The following SNAP91 variants were observed in gnomAD, a reference collection of about 807,000 sequenced individuals.
SNAP91 encodes synaptosome associated protein 91.
SNAP91 carries 27 observed loss-of-function variants against 100.3 expected under a neutral mutation model. That is an observed-to-expected ratio of 0.27 (90% confidence interval 0.20 to 0.37). The LOEUF is 0.37. Ranked by LOEUF, SNAP91 falls within the 10% of genes least tolerant of loss-of-function variation. The pLI, the probability that SNAP91 is intolerant of heterozygous loss-of-function variation, is 1.00. For synonymous variants in SNAP91, 404 were observed against 398.6 expected (o/e 1.01, Z -0.16); for missense variants, 986 against 1,123.7 (o/e 0.88, Z 1.75).
chr6:83,697,662 A>G (rs903036075), intron 2 of SNAP91, among the ~76,000 whole-genome samples: 1 of 152,140 alleles, frequency 6.6e-6, no homozygotes, highest in Non-Finnish European at 1.5e-5. Context: ...TTTAATGTTT[A>G]TTTGTTTGTA....
At chr6:83,596,225 T>C (rs778967617) in intron 16 of SNAP91, among the ~76,000 whole-genome samples, 3 of 152,094 alleles carry the variant, frequency 2.0e-5, no homozygotes, top group Non-Finnish European at 4.4e-5. Context: ...CAGCCAGGAA[T>C]ATAGGTTTTG....
chr6:83,578,444 T>G (rs9444091), intron 24 of SNAP91, among the ~76,000 whole-genome samples: 4,149 of 152,282 alleles, frequency 0.027, 189 homozygotes, highest in African/African-American at 0.093. Context: ...GGTTTTGATT[T>G]GCATTTCACT....
chr6:83,687,435 C>T (rs1181132710), intron 2 of SNAP91, among the ~76,000 whole-genome samples: 3 of 152,034 alleles, frequency 2.0e-5, no homozygotes, highest in African/African-American at 2.4e-5. Context: ...ACTTGTATCA[C>T]GGTGTGTCCA....
In SNAP91 at chr6:83,556,253, GA is replaced by G; in HGVS notation, c.2632-9del. The G allele has an allele frequency of 3.5e-6, 5 of 1,427,162 alleles. No homozygotes were observed. The highest frequency in any genetic ancestry group is 1.2e-5 in the South Asian group (1 of 81,644). 88.4% of individuals were successfully genotyped at this position (1,427,162 alleles called of 1,614,324 possible). ...TGTAGGGCTTGGAGAAAGCTAATGG[GA>G]AAAAGCCAGCCCCAAAGAGCAGGAA... On this transcript the variant is annotated splice_polypyrimidine_tract_variant and intron_variant, in intron 28 of 29. Transcript: ENST00000369694.
intron 16 of SNAP91, among the ~76,000 whole-genome samples, chr6:83,599,473 G>T (rs567118941): frequency 2.0e-4 from 30 of 152,136 alleles, no homozygotes; most frequent in African/African-American, 4.3e-4. Flanking sequence ...GGGAAGGATA[G>T]ATTTTAAATT....
chr6:83,575,161 T>A (rs2022269), intron 25 of SNAP91, 40 bp from the exon 26 acceptor site: 1,049,576 of 1,418,318 alleles, frequency 0.74, 391,493 homozygotes, highest in East Asian at 0.9. Context: ...AAACAAAAAA[T>A]CACAAATCAG....
chr6:83,591,898 G>T lies in SNAP91; in HGVS notation c.1930+557C>A, dbSNP rs77751469. Among the ~76,000 whole-genome samples the T allele has an allele frequency of 8.2e-3, 1,242 of 152,286 alleles. 15 individuals are homozygous for T. The highest frequency in any genetic ancestry group is 0.028 in the African/African-American group (1,172 of 41,552). Reference sequence around the variant, plus strand: ...AAGAGCTAATTCAGTACATCTTCCTGCCCTCAGATAACACATAAAGGAAGA... The same window carrying T: ...AAGAGCTAATTCAGTACATCTTCCTTCCCTCAGATAACACATAAAGGAAGA... On this transcript the variant is annotated intron_variant, in intron 21 of 29. Transcript: ENST00000369694.
In SNAP91 at chr6:83,636,859, G is replaced by A. The variant is rs148566106; in HGVS notation, c.765+4237C>T. On this transcript the variant is annotated intron_variant, in intron 8 of 29. Coordinates refer to ENST00000369694, the MANE Select transcript of SNAP91 (RefSeq NM_001242792.2). ...TTTTGTTTTTACATTCTTTTTTCCC[G>A]TAAGGGTTGACTGTGGTGAATGTTG... Among the ~76,000 whole-genome samples, 562 of 151,866 alleles carry A rather than the reference G, an allele frequency of 3.7e-3. 6 individuals are homozygous for A. The highest frequency in any genetic ancestry group is 0.013 in the African/African-American group (535 of 41,380).
At position 83,593,554 on chromosome 6, in the gene SNAP91, G is replaced by GGTGGCAGCAGTA; in HGVS notation, c.1608_1619dup (p.Thr537_Thr540dup). On this transcript the variant is annotated inframe_insertion, in exon 18 of 30. Transcript: ENST00000369694. The stretch of plus-strand genomic sequence containing the variant: ...TGGTGGTAGTGGTGGTGGCAGCGGC[G>GGTGGCAGCAGTA]GTGGCAGCAGTAGTGGCAGCAGCAG... 1 of 1,553,868 alleles carries GGTGGCAGCAGTA rather than the reference G, an allele frequency of 6.4e-7. No individual in the cohort carries two copies. Among genetic ancestry groups the GGTGGCAGCAGTA allele is most frequent in the Non-Finnish European group, 8.7e-7 (1 of 1,147,576 alleles).
Position 83,600,080 on chromosome 6 carries a change from G to T in SNAP91, c.1324+1191C>A, listed in dbSNP as rs1029353996. 3.9e-5 allele frequency among the ~76,000 whole-genome samples: 6 copies of T among 152,314 alleles called. No homozygotes were observed. In the South Asian group the frequency reaches 1.2e-3, roughly 32 times the overall value. On this transcript the variant is annotated intron_variant, in intron 16 of 29. Transcript: ENST00000369694. ...ATTACAGATGTGAGCCACTGCGCCA[G>T]ACCATGGGTGACTCTTTATTCAAGG...
At chr6:83,585,047 CAAAA>C (rs1386057374) in intron 22 of SNAP91, among the ~76,000 whole-genome samples, 1 of 151,914 alleles carries the variant, frequency 6.6e-6, no homozygotes, top group Non-Finnish European at 1.5e-5. Flanking sequence ...CTGATTATCT[CAAAA>C]AAATAATTGC....
intron 3 of SNAP91, among the ~76,000 whole-genome samples, chr6:83,663,368 G>A (rs1249989067): frequency 6.6e-6 from 1 of 152,146 alleles, no homozygotes; most frequent in Non-Finnish European, 1.5e-5. Flanking sequence ...TAGCTCTCTT[G>A]TGCCAGTTAG....
chr6:83,599,833 T>C (rs2094951678), intron 16 of SNAP91, among the ~76,000 whole-genome samples: 1 of 152,176 alleles, frequency 6.6e-6, no homozygotes. Context: ...TCACCTAGGC[T>C]AAAGTGCAGT....
At chr6:83,706,577 T>C (rs942081483) in intron 2 of SNAP91, among the ~76,000 whole-genome samples, 2 of 152,282 alleles carry the variant, frequency 1.3e-5, no homozygotes, top group Non-Finnish European at 2.9e-5. Context: ...GGACAACTCT[T>C]ACAATGTCCA....
chr6:83,570,572 T>G, intron 26 of SNAP91, among the ~76,000 whole-genome samples: 1 of 148,938 alleles, frequency 6.7e-6, no homozygotes, highest in African/African-American at 2.5e-5. Flanking sequence ...GGGAAGTGGT[T>G]TCATGGGCTG....
chr6:83,665,651 C>A (rs911815443), intron 2 of SNAP91, 70 bp from the exon 3 acceptor site: 2 of 1,422,560 alleles, frequency 1.4e-6, no homozygotes, highest in Admixed American at 3.9e-5. Flanking sequence ...AAACTTGGAA[C>A]ATATAAGCCT....
At chr6:83,658,511 A>T (rs2098460816) in intron 6 of SNAP91, among the ~76,000 whole-genome samples, 1 of 152,122 alleles carries the variant, frequency 6.6e-6, no homozygotes, top group Admixed American at 6.5e-5. Flanking sequence ...CAGGAGGCTG[A>T]GGTAGGAGAA....
chr6:83,708,627 G>C (rs1219935698), intron 1 of SNAP91: 1 of 152,064 alleles, frequency 6.6e-6, no homozygotes, highest in African/African-American at 2.4e-5. Flanking sequence ...GGCCGCCCGG[G>C]AGCTCTGCGG....
At chr6:83,706,026 T>C (rs1368999430) in intron 2 of SNAP91, among the ~76,000 whole-genome samples, 2 of 152,158 alleles carry the variant, frequency 1.3e-5, no homozygotes, top group South Asian at 2.1e-4. Context: ...ATCTTAGAAA[T>C]CATATTGGAA....
Sources: gnomAD v4.1 joint callset for allele counts (sites outside exome capture counted in the v4.1 genomes callset) on GRCh38, gnomAD v4.1.1 for gene constraint, MANE v1.5 for transcripts, NCBI Gene and HGNC (gene_info 2026-07-23, HGNC 2026-07-21) for gene names.